DOK7: variants seen among roughly 807,000 people sequenced by gnomAD.
DOK7 encodes the protein docking protein 7.
Under a neutral mutation model 30.7 loss-of-function variants are expected in DOK7, and 32 were observed. The observed-to-expected ratio is 1.04, with a 90% CI of 0.79 to 1.40. DOK7 has a LOEUF of 1.40. Ranked by LOEUF, DOK7 falls within the 40% of genes most tolerant of loss-of-function variation. The pLI is 0.00. For missense variants in DOK7, 1,007 were observed against 699.2 expected (o/e 1.44, Z -4.97); for synonymous variants, 447 against 324.1 (o/e 1.38, Z -4.07).
downstream of DOK7, among the ~76,000 whole-genome samples, chr4:3,499,186 G>C (rs1729071683): frequency 6.6e-6 from 1 of 152,208 alleles, no homozygotes; most frequent in African/African-American, 2.4e-5. Context: ...CCCCTCCCCT[G>C]GACAGGCAGG....
intron 3 of DOK7, among the ~76,000 whole-genome samples, chr4:3,474,120 G>C (rs1726932020): frequency 6.6e-6 from 1 of 152,202 alleles, no homozygotes. Context: ...TGGAACGTCA[G>C]TCCCAGCCCT....
Position 3,482,691 on chromosome 4 carries a change from C to A in DOK7, c.533-2848C>A, listed in dbSNP as rs141384561. ...AAATGGGGCAGGCCCTGTTCTCCCCCCTTTCCCCAAACACACAGGCAAACA... is the reference window on the plus strand; with the variant it reads ...AAATGGGGCAGGCCCTGTTCTCCCCACTTTCCCCAAACACACAGGCAAACA... On this transcript the variant is annotated intron_variant, in intron 4 of 6. Coordinates refer to ENST00000340083, the MANE Select transcript of DOK7 (RefSeq NM_173660.5). Among the ~76,000 whole-genome samples, 485 of 152,378 alleles carry A rather than the reference C, an allele frequency of 3.2e-3. 3 individuals are homozygous for A. The highest frequency in any genetic ancestry group is 0.011 in the African/African-American group (456 of 41,590).
In DOK7 at chr4:3,485,521, T is replaced by C. The variant is rs1727714984; in HGVS notation, c.533-18T>C. On this transcript the variant is annotated intron_variant, in intron 4 of 6. Transcript: ENST00000340083. ...CGCCCTCGGGCCAGACTGACCTGTC[T>C]CTGTCCTTCCTCTGCAGGGGCTGGC... is the stretch of plus-strand genomic sequence containing the variant. The C allele has an allele frequency of 3.8e-6, 6 of 1,589,534 alleles. No homozygotes were observed. In the East Asian group the frequency reaches 1.2e-4, roughly 31 times the overall value.
At chr4:3,473,364 G>C (rs771431834) in intron 2 of DOK7, 42 bp from the exon 3 acceptor site, 2 of 1,598,780 alleles carry the variant, frequency 1.3e-6, no homozygotes, top group East Asian at 2.2e-5. Context: ...GGTGCGGGCA[G>C]GCGGTGTTGG....
chr4:3,484,290 G>A (rs766059246), intron 4 of DOK7, among the ~76,000 whole-genome samples: 45 of 152,362 alleles, frequency 3.0e-4, no homozygotes, highest in African/African-American at 9.9e-4. Flanking sequence ...GCGTCGCCAC[G>A]TGTCGGGGCT....
At position 3,492,790 on chromosome 4, in the gene DOK7, A is replaced by G. The variant is rs781113489; in HGVS notation, c.804A>G (p.Ser268=). The change falls in exon 7 of 7, where the codon TCA becomes TCG. Residue 268 remains serine (S), a synonymous_variant. Transcript: ENST00000340083. ...ACCGCAGCCTGTCCAGCTCATCCTCAGAGGCCAGTCACTTGGACGTCAGCG... is the reference window on the plus strand; with the variant it reads ...ACCGCAGCCTGTCCAGCTCATCCTCGGAGGCCAGTCACTTGGACGTCAGCG... ...GDDRSLSSSS[S]EASHLDVSAS... The G allele has an allele frequency of 1.4e-5, 23 of 1,612,672 alleles. No individual in the cohort carries two copies. The African/African-American group carries it at 2.7e-4, about 19-fold the overall frequency.
At chr4:3,499,316 G>C (rs1218790378), downstream of DOK7, among the ~76,000 whole-genome samples, 2 of 152,138 alleles carry the variant, frequency 1.3e-5, no homozygotes, top group South Asian at 4.1e-4. Context: ...GCTTGGCTGT[G>C]TCTCCCAGCC....
intron 2 of DOK7, among the ~76,000 whole-genome samples, chr4:3,468,099 ACTGT>A (rs1726419311): frequency 6.6e-6 from 1 of 152,062 alleles, no homozygotes; most frequent in Non-Finnish European, 1.5e-5. Context: ...CAAGTGCATG[ACTGT>A]GTCCACGTGT....
chr4:3,495,789 T>C (rs1728874782), downstream of DOK7, among the ~76,000 whole-genome samples: 1 of 148,262 alleles, frequency 6.7e-6, no homozygotes, highest in Non-Finnish European at 1.5e-5. Flanking sequence ...CCTACCCGCC[T>C]GCCCCCACCG....
In DOK7 at chr4:3,493,557, A is replaced by G. The variant is rs1399942800; in HGVS notation, c.*56A>G. On this transcript the variant is annotated 3_prime_UTR_variant, in exon 7 of 7. Transcript: ENST00000340083. ...GGGGCTGAATTTGCCCCCAGATGGC[A>G]GAGGAAGTGGCGCCAGCCTCCTTGC... is the stretch of plus-strand genomic sequence containing the variant. 1 of 1,583,364 alleles carries G rather than the reference A, an allele frequency of 6.3e-7. No homozygotes were observed.
At chr4:3,469,874 C>G (rs1177805554) in intron 2 of DOK7, among the ~76,000 whole-genome samples, 2 of 152,202 alleles carry the variant, frequency 1.3e-5, no homozygotes, top group Non-Finnish European at 2.9e-5. Context: ...CGTCAGCTGC[C>G]GGAGAAGCTT....
chr4:3,468,201 AGTGT>A (rs60835107), intron 2 of DOK7, among the ~76,000 whole-genome samples: 4 of 143,226 alleles, frequency 2.8e-5, no homozygotes, highest in Admixed American at 6.8e-5. Context: ...TGTGTGCACA[AGTGT>A]GTGTGTGTGC....
At chr4:3,467,317 C>G (rs755570470) in intron 2 of DOK7, among the ~76,000 whole-genome samples, 2 of 151,890 alleles carry the variant, frequency 1.3e-5, no homozygotes, top group Non-Finnish European at 2.9e-5. Context: ...GCTCTCCGCC[C>G]TGGCTGTAAG....
At chr4:3,487,008 G>C (rs1727845544) in intron 5 of DOK7, among the ~76,000 whole-genome samples, 1 of 152,162 alleles carries the variant, frequency 6.6e-6, no homozygotes, top group Admixed American at 6.5e-5. Flanking sequence ...AGATGGGACA[G>C]GCTCCACCGC....
At chr4:3,477,977 T>TGGGTGGGCCCAGC (rs908487608) in intron 4 of DOK7, among the ~76,000 whole-genome samples, 1 of 152,016 alleles carries the variant, frequency 6.6e-6, no homozygotes, top group Non-Finnish European at 1.5e-5. Context: ...CTGGGCACAG[T>TGGGTGGGCCCAGC]GGGTGGGCCC....
chr4:3,472,167 C>T (rs551758209), intron 2 of DOK7, among the ~76,000 whole-genome samples: 9 of 152,342 alleles, frequency 5.9e-5, no homozygotes, highest in Admixed American at 2.0e-4. Context: ...CCATGTGGCC[C>T]GGGGAGGTGG....
chr4:3,469,409 C>T (rs1240395916), intron 2 of DOK7, among the ~76,000 whole-genome samples: 2 of 152,080 alleles, frequency 1.3e-5, no homozygotes, highest in Admixed American at 6.5e-5. Flanking sequence ...AGCCAATGCC[C>T]GCAGCCAGAG....
chr4:3,473,633 G>A lies in DOK7; in HGVS notation c.328G>A (p.Glu110Lys), dbSNP rs1024410823. The A allele has an allele frequency of 4.5e-6, 7 of 1,560,844 alleles. No homozygotes were observed. Among genetic ancestry groups the A allele is most frequent in the African/African-American group, 4.1e-5 (3 of 73,634 alleles). ...TGCCCGGATCCGCTATGCGCTCGGC[G>A]AGGGTGAGTGACGGGGGCCGGGGCC... ...WDARIRYALG[E>K]VHRFHVTVAP... Residue 110 changes from glutamate to lysine, a missense_variant, in exon 3 of 7, where the codon GAG becomes AAG. Physicochemically the swap from Glu to Lys is moderately conservative, Grantham distance 56 (BLOSUM62 1). Coordinates refer to ENST00000340083, the MANE Select transcript of DOK7 (RefSeq NM_173660.5).
chr4:3,494,686 GATGTGCATGTGTGGT>G (rs1728804133), downstream of DOK7, among the ~76,000 whole-genome samples: 3 of 152,048 alleles, frequency 2.0e-5, no homozygotes, highest in Admixed American at 6.6e-5. Flanking sequence ...CCCGGGCTGG[GATGTGCATGTGTGGT>G]GTGTGCACGT....
Sources: gnomAD v4.1 joint callset for allele counts (sites outside exome capture counted in the v4.1 genomes callset) on GRCh38, gnomAD v4.1.1 for gene constraint, MANE v1.5 for transcripts, NCBI Gene and HGNC (gene_info 2026-07-23, HGNC 2026-07-21) for gene names.